The following COL6A1 variants were observed in gnomAD, a reference collection of about 807,000 sequenced individuals.
COL6A1 encodes the protein collagen alpha-1(VI) chain.
In COL6A1, 80 loss-of-function variants were observed where a neutral mutation model predicts 145.6. The observed-to-expected ratio is 0.55, with a 90% CI of 0.46 to 0.66. COL6A1 has a LOEUF of 0.66. Ranked by LOEUF, COL6A1 falls within the 30% of genes least tolerant of loss-of-function variation. The probability of loss-of-function intolerance (pLI) is 0.00; values close to 1 mark genes in which losing one functional copy is unlikely to be tolerated. For synonymous variants in COL6A1, 638 were observed against 622.8 expected, an observed-to-expected ratio of 1.02 and a Z score of -0.36; for missense variants, 1,364 against 1,473.8, an observed-to-expected ratio of 0.93 and a Z score of 1.22.
intron 20 of COL6A1, among the ~76,000 whole-genome samples, chr21:45,996,765 C>T (rs776358264): frequency 1.3e-5 from 2 of 152,170 alleles, no homozygotes; most frequent in Admixed American, 1.3e-4. Context: ...TGGAGTTGTC[C>T]ACGGAGCAGG....
chr21:45,985,253 CAG>C (rs1225260795), intron 3 of COL6A1, among the ~76,000 whole-genome samples: 3 of 148,502 alleles, frequency 2.0e-5, no homozygotes, highest in Non-Finnish European at 3.0e-5. Context: ...GAGACAGAGA[CAG>C]AAATAGAGAG....
Position 45,987,292 on chromosome 21 carries a change from G to A in COL6A1, c.738+117G>A, listed in dbSNP as rs2077745015. The A allele has an allele frequency of 2.8e-5, 43 of 1,538,504 alleles. No homozygotes were observed. In the South Asian group the frequency reaches 4.8e-4, roughly 17 times the overall value. On this transcript the variant is annotated intron_variant, in intron 6 of 34. Transcript: ENST00000361866. ...ATCCGCCCATGTGCCCGGGACACAT[G>A]TCCCCTGCGTGTCTGCCCGTGTGCC...
chr21:45,982,032 C>T (rs908055272), intron 1 of COL6A1, 85 bp downstream of exon 1: 1 of 1,104,068 alleles, frequency 9.1e-7, no homozygotes, highest in East Asian at 2.6e-5. Flanking sequence ...CCCTCCCACG[C>T]GTGGAACTGC....
intron 3 of COL6A1, among the ~76,000 whole-genome samples, chr21:45,986,244 CTTT>C (rs1212694435): frequency 1.3e-5 from 2 of 152,202 alleles, no homozygotes; most frequent in Non-Finnish European, 2.9e-5. Flanking sequence ...TGGTCAGGGG[CTTT>C]GCGCCCCAGG....
chr21:45,999,119 C>T (rs750181084), intron 25 of COL6A1, 34 bp from the exon 26 acceptor site: 4 of 1,567,400 alleles, frequency 2.6e-6, no homozygotes, highest in Non-Finnish European at 3.5e-6. Flanking sequence ...CCGGGTGGTG[C>T]ACGGTCTGTT....
intron 2 of COL6A1, among the ~76,000 whole-genome samples, chr21:45,983,462 C>T (rs958577210): frequency 2.0e-5 from 3 of 152,102 alleles, no homozygotes; most frequent in Admixed American, 6.5e-5. Context: ...ACAGCTTAGC[C>T]GGCGTAGGAA....
intron 2 of COL6A1, 21 bp from the exon 3 acceptor site, chr21:45,984,248 C>A (rs778040083): frequency 2.5e-6 from 4 of 1,591,174 alleles, no homozygotes; most frequent in Non-Finnish European, 3.4e-6. Flanking sequence ...GCCTCACGCC[C>A]GCCGTGCCTG....
chr21:46,000,261 TC>T (rs1192211614), intron 27 of COL6A1, 69 bp from the exon 28 acceptor site: 1 of 1,593,374 alleles, frequency 6.3e-7, no homozygotes, highest in East Asian at 2.2e-5. Context: ...GACCTGGAGA[TC>T]CAGCAGCCCA....
chr21:46,001,049 G>C, intron 29 of COL6A1: 2 of 770,662 alleles, frequency 2.6e-6, no homozygotes, highest in Non-Finnish European at 4.1e-6. Context: ...GCCTGGCTGA[G>C]CAACGCCAGC....
At chr21:45,999,733 T>C (rs1293589988) in intron 27 of COL6A1, 41 bp downstream of exon 27, 1 of 1,594,898 alleles carries the variant, frequency 6.3e-7, no homozygotes. Context: ...GCGACCACTG[T>C]AGCTTCCATC....
intron 15 of COL6A1, 127 bp downstream of exon 15, chr21:45,991,168 G>A: frequency 9.7e-7 from 1 of 1,027,812 alleles, no homozygotes; most frequent in Non-Finnish European, 1.5e-6. Context: ...CAGAGGGGAG[G>A]AGCTGGTGGA....
Position 46,001,913 on chromosome 21 carries a change from C to A in COL6A1, c.1957-48C>A, listed in dbSNP as rs374838238. On this transcript the variant is annotated intron_variant, in intron 30 of 34. Transcript: ENST00000361866. ...TAGAGTCACCCTTGGGAAGCTTATG[C>A]GGACCTGGGGCAGCACTCGCGTCCT... The A allele has an allele frequency of 7.8e-6, 12 of 1,539,814 alleles. No homozygotes were observed. The African/African-American group carries it at 1.5e-4, about 19-fold the overall frequency.
At chr21:45,999,126 T>C (rs2123484368) in intron 25 of COL6A1, 27 bp from the exon 26 acceptor site, 2 of 1,576,618 alleles carry the variant, frequency 1.3e-6, no homozygotes, top group Non-Finnish European at 1.7e-6. Flanking sequence ...GTGCACGGTC[T>C]GTTGACACAA....
intron 19 of COL6A1, among the ~76,000 whole-genome samples, chr21:45,993,609 G>A (rs1018569576): frequency 4.6e-5 from 7 of 152,220 alleles, no homozygotes; most frequent in African/African-American, 1.7e-4. Flanking sequence ...GGCCAGAGTC[G>A]CCGCCACCGA....
At chr21:45,993,878 C>A (rs1035178033) in intron 19 of COL6A1, among the ~76,000 whole-genome samples, 1 of 152,230 alleles carries the variant, frequency 6.6e-6, no homozygotes, top group African/African-American at 2.4e-5. Context: ...AAACACTTGC[C>A]GGGTCCACGG....
At chr21:45,986,809 G>GC (rs2077741834) in intron 4 of COL6A1, 124 bp downstream of exon 4, 1 of 1,515,582 alleles carries the variant, frequency 6.6e-7, no homozygotes, top group African/African-American at 1.4e-5. Context: ...GGCCACCCTT[G>GC]CCCCTGAGAG....
chr21:45,999,373 C>A, intron 26 of COL6A1, 155 bp downstream of exon 26: 2 of 825,462 alleles, frequency 2.4e-6, no homozygotes, highest in Non-Finnish European at 3.9e-6. Context: ...GTGGGAGGTG[C>A]CGGTCACCAG....
At position 45,992,630 on chromosome 21, in the gene COL6A1, G is replaced by A. The variant is rs1411441271; in HGVS notation, c.1273-118G>A. 4 of 1,132,554 alleles carry A rather than the reference G, an allele frequency of 3.5e-6. No homozygotes were observed. In the East Asian group the frequency reaches 7.7e-5, roughly 22 times the overall value. The allele number at this position is 1,132,554 out of a possible 1,614,324, so 70.2% of individuals were successfully genotyped here. A position where few individuals can be genotyped will look rare whatever the true frequency, so the allele number is the denominator to read the frequency against. On this transcript the variant is annotated intron_variant, in intron 18 of 34. Transcript: ENST00000361866. ...CAACCGTGGGGCATGCGGTGGAGGGGTGGCCCCTCCCAGGGGTCCTGCTGG... is the reference window on the plus strand; with the variant it reads ...CAACCGTGGGGCATGCGGTGGAGGGATGGCCCCTCCCAGGGGTCCTGCTGG...
rs374143697 is a variant in COL6A1 at position 45,991,011 on chromosome 21, C to A, written c.1089C>A (p.Asp363Glu). ...AAGGACCCCCTGGCCCCAAGGGAGACCCCGGTGCCTTTGGACTGAAAGGAG... is the reference window on the plus strand; with the variant it reads ...AAGGACCCCCTGGCCCCAAGGGAGAACCCGGTGCCTTTGGACTGAAAGGAG... ...GIQGPPGPKG[D>E]PGAFGLKGEK... is the part of the protein sequence containing the mutation. The change falls in exon 15 of 35, where the codon GAC (aspartate) becomes GAA (glutamate). Residue 363 changes from aspartate (D) to glutamate (E), a missense_variant. Physicochemically the swap from Asp to Glu is conservative, Grantham distance 45 (BLOSUM62 2). Transcript: ENST00000361866. 3 of 1,613,414 alleles carry A rather than the reference C, an allele frequency of 1.9e-6. No homozygotes were observed. The highest frequency in any genetic ancestry group is 1.7e-6 in the Non-Finnish European group (2 of 1,179,918).
Sources: gnomAD v4.1 joint callset for allele counts (sites outside exome capture counted in the v4.1 genomes callset) on GRCh38, gnomAD v4.1.1 for gene constraint, MANE v1.5 for transcripts, NCBI Gene and HGNC (gene_info 2026-07-23, HGNC 2026-07-21) for gene names.